The following CDH4 variants were observed in gnomAD, a reference collection of about 807,000 sequenced individuals.
The protein encoded by CDH4 is cadherin-4.
Under a neutral mutation model 86.0 loss-of-function variants are expected in CDH4, and 33 were observed. That is an observed-to-expected ratio of 0.38 (90% confidence interval 0.29 to 0.51). The LOEUF is 0.51. CDH4 is among the 20% of genes least tolerant of loss of function. The probability of loss-of-function intolerance (pLI) is 0.86; values close to 1 mark genes in which losing one functional copy is unlikely to be tolerated. For missense variants in CDH4, 1,114 were observed against 1,307.4 expected (o/e 0.85, Z 2.28); for synonymous variants, 555 against 549.4 (o/e 1.01, Z -0.14).
At chr20:61,896,861 G>C (rs573190100) in intron 8 of CDH4, among the ~76,000 whole-genome samples, 29 of 152,290 alleles carry the variant, frequency 1.9e-4, no homozygotes, top group African/African-American at 5.8e-4. Flanking sequence ...ACAGCTGGCC[G>C]GACAGCCCCA....
At chr20:61,443,707 G>C (rs776654032) in intron 2 of CDH4, among the ~76,000 whole-genome samples, 109 of 152,246 alleles carry the variant, frequency 7.2e-4, no homozygotes, top group Non-Finnish European at 1.2e-3. Flanking sequence ...CGAAGGCTGC[G>C]ACTCATATGA....
At chr20:61,805,404 T>C (rs1195929130) in intron 4 of CDH4, among the ~76,000 whole-genome samples, 2 of 152,034 alleles carry the variant, frequency 1.3e-5, no homozygotes, top group African/African-American at 4.8e-5. Flanking sequence ...TGGCTGGGTG[T>C]CCCACAGAGC....
intron 2 of CDH4, among the ~76,000 whole-genome samples, chr20:61,384,321 A>G (rs2084939561): frequency 6.6e-6 from 1 of 152,178 alleles, no homozygotes; most frequent in Non-Finnish European, 1.5e-5. Flanking sequence ...ATGAGTGTAG[A>G]GACAGGGTCT....
intron 2 of CDH4, among the ~76,000 whole-genome samples, chr20:61,634,178 CTG>C (rs927695384): frequency 2.6e-4 from 39 of 152,344 alleles, no homozygotes; most frequent in African/African-American, 7.7e-4. Flanking sequence ...CCGTAAAGCT[CTG>C]TAAGCAGCTC....
intron 8 of CDH4, among the ~76,000 whole-genome samples, chr20:61,906,776 G>C (rs1447832750): frequency 6.6e-6 from 1 of 151,558 alleles, no homozygotes; most frequent in Admixed American, 6.6e-5. Flanking sequence ...GGGGCAAGAC[G>C]GTGTCCCCAG....
chr20:61,702,492 G>A (rs549649200), intron 2 of CDH4, among the ~76,000 whole-genome samples: 3 of 152,310 alleles, frequency 2.0e-5, no homozygotes, highest in South Asian at 2.1e-4. Flanking sequence ...AGGTGCAGAC[G>A]CTTCGCACTG....
chr20:61,514,710 A>G (rs1003553771), intron 2 of CDH4, among the ~76,000 whole-genome samples: 5 of 152,222 alleles, frequency 3.3e-5, no homozygotes, highest in African/African-American at 4.8e-5. Context: ...TAATAAGTAC[A>G]TGGACATGAC....
In CDH4 at chr20:61,393,099, C is replaced by G. The variant is rs1038982717; in HGVS notation, c.169+138162C>G. On this transcript the variant is annotated intron_variant, in intron 2 of 15. Transcript: ENST00000614565. This position sits in a 1 kb window ranked among gnomAD's most constrained non-coding sequence, Gnocchi z 4.3. ...TAATTTCTTACTGAATTGATTCCCA[C>G]TGAATCTCTGTAGAAATATCCTCTT... Among the ~76,000 whole-genome samples the G allele has an allele frequency of 6.6e-6, 1 of 152,180 alleles. No individual in the cohort carries two copies. The highest frequency in any genetic ancestry group is 1.5e-5 in the Non-Finnish European group (1 of 68,038).
intron 13 of CDH4, among the ~76,000 whole-genome samples, chr20:61,930,384 G>A (rs2055092039): frequency 6.6e-6 from 1 of 152,056 alleles, no homozygotes; most frequent in East Asian, 1.9e-4. Context: ...CAACAGGTCT[G>A]AGGGCTGGCG....
rs575555006 is a variant in CDH4 at position 61,323,161 on chromosome 20, G to A, written c.169+68224G>A. The stretch of plus-strand genomic sequence containing the variant: ...AGGCATGAGGATTCCCTTGCGGCAC[G>A]GGGTCTTCTGAGAGTCAGCTGGCTT... On this transcript the variant is annotated intron_variant, in intron 2 of 15. Transcript: ENST00000614565. 4.6e-5 allele frequency among the ~76,000 whole-genome samples: 7 copies of A among 152,300 alleles called. No homozygotes were observed. The East Asian group carries it at 7.7e-4, about 17-fold the overall frequency.
chr20:61,579,653 A>T (rs1343649204), intron 2 of CDH4, among the ~76,000 whole-genome samples: 2 of 152,080 alleles, frequency 1.3e-5, no homozygotes, highest in Admixed American at 1.3e-4. Context: ...CTGAAAACAG[A>T]GGCCACATCT....
chr20:61,884,291 CA>C (rs1009319122), intron 7 of CDH4, among the ~76,000 whole-genome samples: 70 of 152,288 alleles, frequency 4.6e-4, no homozygotes, highest in African/African-American at 1.7e-3. Flanking sequence ...CCTGGCTGTG[CA>C]AAGGGCAGCT....
chr20:61,849,979 C>T (rs1982639015), intron 5 of CDH4, among the ~76,000 whole-genome samples: 2 of 152,204 alleles, frequency 1.3e-5, no homozygotes, highest in Non-Finnish European at 2.9e-5. Context: ...ATTTTCCACC[C>T]AGCTCTGTGG....
At chr20:61,645,629 CAAAA>C (rs11373021) in intron 2 of CDH4, among the ~76,000 whole-genome samples, 3 of 142,136 alleles carry the variant, frequency 2.1e-5, no homozygotes, top group African/African-American at 5.1e-5. Context: ...GACCCTGTCT[CAAAA>C]AAAAAAAAAA....
chr20:61,700,733 C>T (rs2087766290), intron 2 of CDH4, among the ~76,000 whole-genome samples: 1 of 152,224 alleles, frequency 6.6e-6, no homozygotes, highest in African/African-American at 2.4e-5. Context: ...GGGGCCATGT[C>T]TGTCTTCATG....
At chr20:61,320,228 T>C (rs2084500664) in intron 2 of CDH4, among the ~76,000 whole-genome samples, 1 of 152,196 alleles carries the variant, frequency 6.6e-6, no homozygotes, top group African/African-American at 2.4e-5. Context: ...GTCTTATGCA[T>C]GCTGACTGTG....
chr20:61,688,411 G>A (rs547605980), intron 2 of CDH4, among the ~76,000 whole-genome samples: 1 of 151,972 alleles, frequency 6.6e-6, no homozygotes, highest in African/African-American at 2.4e-5. Flanking sequence ...GGTTTATTAA[G>A]CACTTCTGGA....
At position 61,703,815 on chromosome 20, in the gene CDH4, A is replaced by G. The variant is rs900866391; in HGVS notation, c.170-39748A>G. Among the ~76,000 whole-genome samples, 6 of 152,236 alleles carry G rather than the reference A, an allele frequency of 3.9e-5. No homozygotes were observed. The highest frequency in any genetic ancestry group is 7.2e-5 in the African/African-American group (3 of 41,462). ...TCCTTTTCATTTTAATTTTAAGCAC[A>G]TGGGATTTAAACAATATTTACTCAG... is the stretch of plus-strand genomic sequence containing the variant. On this transcript the variant is annotated intron_variant, in intron 2 of 15. Coordinates refer to ENST00000614565, the MANE Select transcript of CDH4 (RefSeq NM_001794.5). The surrounding 1 kb of genome is among the most constrained non-coding windows in gnomAD (Gnocchi z 4.3).
chr20:61,540,379 A>G (rs1485952980), intron 2 of CDH4, among the ~76,000 whole-genome samples: 1 of 152,204 alleles, frequency 6.6e-6, no homozygotes, highest in African/African-American at 2.4e-5. Flanking sequence ...ACGGCACCGG[A>G]AGCCATGTTT....
Sources: gnomAD v4.1 joint callset for allele counts (sites outside exome capture counted in the v4.1 genomes callset) on GRCh38, gnomAD v4.1.1 for gene constraint, Gnocchi (gnomAD v3.1) non-coding constraint, MANE v1.5 for transcripts, NCBI Gene and HGNC (gene_info 2026-07-23, HGNC 2026-07-21) for gene names.